The following MTOR variants were observed in gnomAD, a reference collection of about 807,000 sequenced individuals.
MTOR encodes serine/threonine-protein kinase mTOR.
Under a neutral mutation model 319.8 loss-of-function variants are expected in MTOR, and 70 were observed. The observed-to-expected ratio is 0.22, with a 90% CI of 0.18 to 0.27. The LOEUF is 0.27. MTOR is among the 10% of genes least tolerant of loss of function. The pLI, the probability that MTOR is intolerant of heterozygous loss-of-function variation, is 1.00. For missense variants in MTOR, 1,890 were observed against 3,274.4 expected (o/e 0.58, Z 10.32); for synonymous variants, 1,183 against 1,211.4 (o/e 0.98, Z 0.49).
chr1:11,133,250 C>T lies in MTOR; in HGVS notation c.5247-53G>A. 1 of 1,443,914 alleles carries T rather than the reference C, an allele frequency of 6.9e-7. No individual in the cohort carries two copies. Among genetic ancestry groups the T allele is most frequent in the Non-Finnish European group, 9.7e-7 (1 of 1,026,398 alleles). The allele number at this position is 1,443,914 out of a possible 1,614,324, so 89.4% of individuals were successfully genotyped here. A position where few individuals can be genotyped will look rare whatever the true frequency, so the allele number is the denominator to read the frequency against. On this transcript the variant is annotated intron_variant, in intron 37 of 57. Transcript: ENST00000361445. The surrounding 1 kb of genome is among the most constrained non-coding windows in gnomAD (Gnocchi z 4.0). The stretch of plus-strand genomic sequence containing the variant: ...ACATTCCCTCCTCAAAACAGCCCTC[C>T]TAAGAGGACCACAAATTGTTAGGGG...
chr1:11,217,612 C>T (rs973155050), intron 19 of MTOR, among the ~76,000 whole-genome samples: 6 of 150,758 alleles, frequency 4.0e-5, no homozygotes, highest in South Asian at 2.1e-4. Context: ...AGGGTTTCAC[C>T]GTGTTAGCCA....
chr1:11,107,089 G>A lies in MTOR; in HGVS notation c.*396C>T, dbSNP rs12139042. 0.034 allele frequency: 46,974 copies of A among 1,373,994 alleles called. 1,433 individuals are homozygous for A. Among genetic ancestry groups the A allele is most frequent in the South Asian group, 0.11 (8,916 of 81,750 alleles). The allele number at this position is 1,373,994 out of a possible 1,614,324, so 85.1% of individuals were successfully genotyped here. A position where few individuals can be genotyped will look rare whatever the true frequency, so the allele number is the denominator to read the frequency against. On this transcript the variant is annotated 3_prime_UTR_variant, in exon 58 of 58. Coordinates refer to ENST00000361445, the MANE Select transcript of MTOR (RefSeq NM_004958.4). The stretch of plus-strand genomic sequence containing the variant: ...CTCCACGACCTGAGGCTTCTTGGCT[G>A]TGCTGAGTTTGCTGTACCCATGTTG...
chr1:11,130,331 G>A (rs1284209812), intron 39 of MTOR, among the ~76,000 whole-genome samples, 198 bp downstream of exon 39: 1 of 152,230 alleles, frequency 6.6e-6, no homozygotes, highest in Non-Finnish European at 1.5e-5. Flanking sequence ...CATAGAGGCT[G>A]CGTCAGCTCC....
chr1:11,179,954 C>T (rs1445502477), intron 28 of MTOR, among the ~76,000 whole-genome samples: 1 of 152,244 alleles, frequency 6.6e-6, no homozygotes, highest in Non-Finnish European at 1.5e-5. Context: ...TTCTGTTGCC[C>T]ACGCTGGAGT....
intron 53 of MTOR, 92 bp downstream of exon 53, chr1:11,114,226 C>T (rs1642045010): frequency 2.6e-6 from 4 of 1,531,058 alleles, no homozygotes; most frequent in Non-Finnish European, 3.6e-6. Flanking sequence ...AACTCCTGGC[C>T]TCAAGCAACT....
rs1569799380 is a variant in MTOR at position 11,248,055 on chromosome 1, G to C, written c.880C>G (p.Leu294Val). Residue 294 changes from leucine to valine, a missense_variant, in exon 7 of 58, where the codon CTG becomes GTG. Around this residue, in one of 15 missense-constraint regions of MTOR, gnomAD observed 418 missense variants for 543.1 expected, o/e 0.77. Coordinates refer to ENST00000361445, the MANE Select transcript of MTOR (RefSeq NM_004958.4). The stretch of plus-strand genomic sequence containing the variant: ...TCTTTGCAGTACTTGTCGTGTACCA[G>C]CTGCTGCTGTGTGATTTCTTCCATT... ...EEMEEITQQQLVHDKYCKDLM... is the reference protein window; with the variant it reads ...EEMEEITQQQVVHDKYCKDLM... 1 of 1,612,512 alleles carries C rather than the reference G, an allele frequency of 6.2e-7. No individual in the cohort carries two copies. Among genetic ancestry groups the C allele is most frequent in the Non-Finnish European group, 8.5e-7 (1 of 1,178,914 alleles).
rs2100382116 is a variant in MTOR at position 11,124,569 on chromosome 1, A to G, written c.6591T>C (p.Arg2197=). The part of the protein sequence containing the change: ...KGHEDLRQDE[R]VMQLFGLVNT... ...TAACCAGGCCGAAGAGCTGCATCAC[A>G]CGCTCATCCTGGCGCAGATCTTCAT... Residue 2197 remains arginine (R), a synonymous_variant, in exon 47 of 58, where the codon CGT becomes CGC. Transcript: ENST00000361445. 6.2e-7 allele frequency: 1 copy of G among 1,613,386 alleles called. No individual in the cohort carries two copies. Among genetic ancestry groups the G allele is most frequent in the Non-Finnish European group, 8.5e-7 (1 of 1,179,310 alleles).
Position 11,128,551 on chromosome 1 carries a change from A to G in MTOR, c.5813T>C (p.Val1938Ala). ...AATTCTTGCAATGAGCTGAGGTATA[A>G]CCTGGTATTCAAAAAGACACAGTAT... is the stretch of plus-strand genomic sequence containing the variant. ...KAIQIDTWLQ[V>A]IPQLIARIDT... Residue 1938 changes from valine to alanine, a missense_variant and splice_region_variant, in exon 42 of 58, where the codon GTT becomes GCT. Around this residue, in one of 15 missense-constraint regions of MTOR, gnomAD observed 249 missense variants for 596.2 expected, o/e 0.42. Transcript: ENST00000361445. This position sits in a 1 kb window ranked among gnomAD's most constrained non-coding sequence, Gnocchi z 5.3. 1 of 1,614,022 alleles carries G rather than the reference A, an allele frequency of 6.2e-7. No homozygotes were observed. The highest frequency in any genetic ancestry group is 8.5e-7 in the Non-Finnish European group (1 of 1,179,860).
intron 25 of MTOR, 29 bp from the exon 26 acceptor site, chr1:11,204,732 C>T: frequency 6.2e-7 from 1 of 1,604,924 alleles, no homozygotes; most frequent in Non-Finnish European, 8.5e-7. Flanking sequence ...CAATGGAAAA[C>T]AATCAGTTTC....
rs1433310925 is a variant in MTOR at position 11,240,355 on chromosome 1, A to G, written c.1734T>C (p.Asp578=). The G allele has an allele frequency of 6.2e-7, 1 of 1,612,226 alleles. No homozygotes were observed. The highest frequency in any genetic ancestry group is 8.5e-7 in the Non-Finnish European group (1 of 1,179,132). Residue 578 remains aspartate, a synonymous_variant, in exon 11 of 58, where the codon GAT becomes GAC. Transcript: ENST00000361445. ...PGLTTLPEAS[D]VGSITLALRT... ...GGAGGGCAAGAGTGATGCTGCCCAC[A>G]TCGCTGGCCTCAGGGAGGGTCGTGA...
chr1:11,157,055 T>G (rs2100565470), intron 30 of MTOR, 97 bp downstream of exon 30: 1 of 1,442,412 alleles, frequency 6.9e-7, no homozygotes. Flanking sequence ...GAGTCTGAAG[T>G]GAGAACTCCG....
chr1:11,144,534 T>G, intron 34 of MTOR, 114 bp downstream of exon 34: 1 of 762,516 alleles, frequency 1.3e-6, no homozygotes, highest in Non-Finnish European at 2.2e-6. Context: ...AATACACTGG[T>G]GGAGGAGGCA....
Position 11,127,228 on chromosome 1 carries a change from T to C in MTOR, c.6217-84A>G. On this transcript the variant is annotated intron_variant, in intron 44 of 57. Coordinates refer to ENST00000361445, the MANE Select transcript of MTOR (RefSeq NM_004958.4). This position sits in a 1 kb window ranked among gnomAD's most constrained non-coding sequence, Gnocchi z 5.5. ...AAAATCCCCAGGCTGACTGCAGATATTCCTCAGGAGCCCGCTGTGGCCTGA... is the reference window on the plus strand; with the variant it reads ...AAAATCCCCAGGCTGACTGCAGATACTCCTCAGGAGCCCGCTGTGGCCTGA... 1 of 1,576,718 alleles carries C rather than the reference T, an allele frequency of 6.3e-7. No individual in the cohort carries two copies. Among genetic ancestry groups the C allele is most frequent in the Non-Finnish European group, 8.6e-7 (1 of 1,159,896 alleles).
intron 3 of MTOR, among the ~76,000 whole-genome samples, chr1:11,257,533 A>T (rs1177779859): frequency 1.5e-5 from 2 of 136,608 alleles, no homozygotes; most frequent in Admixed American, 8.2e-5. Context: ...ATTGCACTCC[A>T]GCCTGGGCGA....
intron 19 of MTOR, among the ~76,000 whole-genome samples, chr1:11,218,766 T>C (rs1019347583): frequency 1.3e-5 from 2 of 152,316 alleles, no homozygotes; most frequent in Non-Finnish European, 2.9e-5. Flanking sequence ...GCCTTTCACA[T>C]GTGTTCTCTT....
chr1:11,159,467 C>T (rs1571024927), intron 29 of MTOR, among the ~76,000 whole-genome samples: 1 of 151,960 alleles, frequency 6.6e-6, no homozygotes. Flanking sequence ...CATGGAGAAA[C>T]CCTGTCTCTA....
rs150270235 is a variant in MTOR, at chr1:11,170,304, G to A, written c.4254-2787C>T. ...CCCCATAAATCAGGTACTGGGCTTT[G>A]TGCCCAATCACATGGGGCTGGGTAA... On this transcript the variant is annotated intron_variant, in intron 28 of 57. Transcript: ENST00000361445. Among the ~76,000 whole-genome samples, 71 of 152,234 alleles carry A rather than the reference G, an allele frequency of 4.7e-4. 3 individuals carry two copies. The highest frequency in any genetic ancestry group is 1.7e-3 in the African/African-American group (69 of 41,484).
Position 11,210,855 on chromosome 1 carries a change from T to C in MTOR, c.3613A>G (p.Asn1205Asp), listed in dbSNP as rs1414350154. ...ATGAGCACATCATAGCGCTGATGAT[T>C]GATTCGGTGTCGCACCAGAACTTTA... ...VNKVLVRHRI[N>D]HQRYDVLICR... The change falls in exon 24 of 58, where the codon AAT becomes GAT. Residue 1205 changes from asparagine to aspartate, a missense_variant. Physicochemically the swap from Asn to Asp is conservative, Grantham distance 23 (BLOSUM62 1). This residue lies in a region of MTOR where 115 missense variants were observed against 105.7 expected (regional missense o/e 1.09). Transcript: ENST00000361445. 1 of 1,614,014 alleles carries C rather than the reference T, an allele frequency of 6.2e-7. No homozygotes were observed. The highest frequency in any genetic ancestry group is 1.1e-5 in the South Asian group (1 of 91,062).
rs768962267 is a variant in MTOR, at chr1:11,121,942, C to T, written c.6810+37G>A. On this transcript the variant is annotated intron_variant, in intron 48 of 57. Transcript: ENST00000361445. This position sits in a 1 kb window ranked among gnomAD's most constrained non-coding sequence, Gnocchi z 4.9. ...GCAGCGCTACGGAGATTCCCTGCCA[C>T]GGAAGGGGCACTAGCTCTCGTGGCC... 1.1e-5 allele frequency: 18 copies of T among 1,608,602 alleles called. No individual in the cohort carries two copies. The highest frequency in any genetic ancestry group is 8.8e-5 in the South Asian group (8 of 90,632).
Sources: allele counts gnomAD v4.1 joint callset (sites outside exome capture counted in the v4.1 genomes callset), GRCh38; gene constraint gnomAD v4.1.1; regional missense constraint gnomAD v4.1.1; non-coding constraint Gnocchi (gnomAD v3.1); transcripts MANE v1.5; gene names NCBI Gene and HGNC (gene_info 2026-07-23, HGNC 2026-07-21).